The following KLHL23 variants were observed in gnomAD, a reference collection of about 807,000 sequenced individuals.
KLHL23 encodes kelch like family member 23.
KLHL23 carries 33 observed loss-of-function variants against 48.9 expected under a neutral mutation model. The ratio of observed to expected loss-of-function variants is 0.67; its 90% CI spans 0.51 to 0.90. The LOEUF (loss-of-function observed/expected upper bound fraction) is 0.90. Among genes scored for constraint, KLHL23 ranks in the 40% least tolerant of loss-of-function variants. The pLI is 0.00. For missense variants in KLHL23, 608 were observed against 669.6 expected, an observed-to-expected ratio of 0.91 and a Z score of 1.02; for synonymous variants, 234 against 231.6, an observed-to-expected ratio of 1.01 and a Z score of -0.09.
chr2:169,734,150 G>C (rs1454698057), intron 1 of KLHL23, 63 bp downstream of exon 1: 3 of 147,110 alleles, frequency 2.0e-5, no homozygotes, highest in African/African-American at 4.9e-5. Flanking sequence ...GGCCGGGCGC[G>C]GGGAGCGGGG....
At position 169,749,593 on chromosome 2, in the gene KLHL23, C is replaced by T. The variant is rs775259594; in HGVS notation, c.1538C>T (p.Thr513Ile). Residue 513 changes from threonine (T) to isoleucine (I), a missense_variant, in exon 4 of 4, where the codon ACT becomes ATT. Transcript: ENST00000392647. ...ATCATGAATGGATGTATTTATGTCACTGGAGGATACTCCTACTCAAAGGGA... is the reference window on the plus strand; with the variant it reads ...ATCATGAATGGATGTATTTATGTCATTGGAGGATACTCCTACTCAAAGGGA... ...AVIMNGCIYV[T>I]GGYSYSKGTY... The T allele has an allele frequency of 1.2e-6, 2 of 1,613,858 alleles. No individual in the cohort carries two copies. The highest frequency in any genetic ancestry group is 1.7e-6 in the Non-Finnish European group (2 of 1,180,030).
intron 2 of KLHL23, chr2:169,741,147 T>G: frequency 2.8e-6 from 1 of 357,760 alleles, no homozygotes; most frequent in East Asian, 4.3e-5. Flanking sequence ...TTCCACTCCA[T>G]TATAATTTTA....
At chr2:169,737,601 A>G (rs1688549428) in intron 2 of KLHL23, among the ~76,000 whole-genome samples, 2 of 146,922 alleles carry the variant, frequency 1.4e-5, no homozygotes, top group African/African-American at 2.5e-5. Context: ...GGTTCAGAGT[A>G]TATTTCTTTT....
chr2:169,736,817 A>G (rs1224532262), intron 2 of KLHL23, among the ~76,000 whole-genome samples: 3 of 152,192 alleles, frequency 2.0e-5, no homozygotes, highest in Non-Finnish European at 4.4e-5. Flanking sequence ...TTAAACGGGA[A>G]TCTTATTTCA....
intron 3 of KLHL23, among the ~76,000 whole-genome samples, chr2:169,746,685 G>A (rs1340809297): frequency 6.6e-6 from 1 of 152,106 alleles, no homozygotes; most frequent in Non-Finnish European, 1.5e-5. Flanking sequence ...TTGAGTAAAA[G>A]AGAAAAAATG....
At chr2:169,734,565 T>A (rs1366377472) in intron 1 of KLHL23, among the ~76,000 whole-genome samples, 2 of 152,146 alleles carry the variant, frequency 1.3e-5, no homozygotes, top group Admixed American at 6.5e-5. Context: ...TCTTGTCCAT[T>A]TATATTTCCA....
At position 169,735,140 on chromosome 2, in the gene KLHL23, T is replaced by C. The variant is rs776017719; in HGVS notation, c.126T>C (p.Cys42=). 6.2e-7 allele frequency: 1 copy of C among 1,613,294 alleles called. No individual in the cohort carries two copies. The highest frequency in any genetic ancestry group is 8.5e-7 in the Non-Finnish European group (1 of 1,179,888). The change falls in exon 2 of 4, where the codon TGT becomes TGC. Residue 42 remains cysteine, a synonymous_variant. Transcript: ENST00000392647. This position sits in a 1 kb window ranked among gnomAD's most constrained non-coding sequence, Gnocchi z 4.5. Reference sequence around the variant, plus strand: ...TATTTACTGATATTACTCTTCAGTGTCCTTCAGGCATAATTTTCCATTGTC... The same window carrying C: ...TATTTACTGATATTACTCTTCAGTGCCCTTCAGGCATAATTTTCCATTGTC... The part of the protein sequence containing the change: ...DGLFTDITLQ[C]PSGIIFHCHR...
chr2:169,745,385 C>T (rs1688771413), intron 3 of KLHL23, among the ~76,000 whole-genome samples: 1 of 151,826 alleles, frequency 6.6e-6, no homozygotes, highest in Non-Finnish European at 1.5e-5. Flanking sequence ...TGGTGGCGGG[C>T]ACCTGTAGTC....
chr2:169,744,887 A>G (rs1270321721), intron 3 of KLHL23, among the ~76,000 whole-genome samples: 2 of 151,160 alleles, frequency 1.3e-5, no homozygotes, highest in African/African-American at 4.9e-5. Flanking sequence ...ATGCAGAATC[A>G]TAAAGGTTTT....
At position 169,735,306 on chromosome 2, in the gene KLHL23, TC is replaced by T; in HGVS notation, c.295del (p.Gln99LysfsTer4). Reference sequence around the variant, plus strand: ...AGGCCTTGTAAATTATGCATACACTTCCCAAATTGAAATAACTAAAAGAAAT... The same window carrying T: ...AGGCCTTGTAAATTATGCATACACTTCCAAATTGAAATAACTAAAAGAAAT... ...LEGLVNYAYT[S>X]QIEITKRNVQ... On this transcript the variant is annotated frameshift_variant, in exon 2 of 4. Coordinates refer to ENST00000392647, the MANE Select transcript of KLHL23 (RefSeq NM_144711.6). LOFTEE classifies it high-confidence loss of function. This position sits in a 1 kb window ranked among gnomAD's most constrained non-coding sequence, Gnocchi z 4.5. 1 of 1,613,566 alleles carries T rather than the reference TC, an allele frequency of 6.2e-7. No individual in the cohort carries two copies. The highest frequency in any genetic ancestry group is 8.5e-7 in the Non-Finnish European group (1 of 1,179,938).
intron 3 of KLHL23, among the ~76,000 whole-genome samples, chr2:169,748,516 AG>A (rs1688857774): frequency 6.6e-6 from 1 of 152,210 alleles, no homozygotes; most frequent in Non-Finnish European, 1.5e-5. Context: ...GGAAGAAAAC[AG>A]GGCAGAGACC....
At chr2:169,738,265 TA>T (rs1330502635) in intron 2 of KLHL23, among the ~76,000 whole-genome samples, 13 of 149,636 alleles carry the variant, frequency 8.7e-5, no homozygotes, top group Non-Finnish European at 1.6e-4. Context: ...TTTAAAATTT[TA>T]TTTTTAATTT....
chr2:169,741,520 C>G lies in KLHL23; in HGVS notation c.1349C>G (p.Thr450Ser). The change falls in exon 3 of 4, where the codon ACC becomes AGC. Residue 450 changes from threonine to serine, a missense_variant. This residue lies in a region of KLHL23 where 179 missense variants were observed against 169.9 expected (regional missense o/e 1.05). Coordinates refer to ENST00000392647, the MANE Select transcript of KLHL23 (RefSeq NM_144711.6). ...GATATCAACGAATGGAGCCTCATCA[C>G]CTCCAGTCCACATCCAGGTAACAAA... ...NSDINEWSLITSSPHPEYGLC... is the reference protein window; with the variant it reads ...NSDINEWSLISSSPHPEYGLC... 2 of 1,613,510 alleles carry G rather than the reference C, an allele frequency of 1.2e-6. No homozygotes were observed. Among genetic ancestry groups the G allele is most frequent in the Non-Finnish European group, 1.7e-6 (2 of 1,179,650 alleles).
At chr2:169,747,456 G>C (rs1016973113) in intron 3 of KLHL23, among the ~76,000 whole-genome samples, 32 of 112,876 alleles carry the variant, frequency 2.8e-4, no homozygotes, top group African/African-American at 1.1e-3. Context: ...CTCCTAAAGA[G>C]GAAATCACTT....
chr2:169,749,521 G>A lies in KLHL23; in HGVS notation c.1466G>A (p.Arg489Lys), dbSNP rs1416327972. 2 of 1,613,984 alleles carry A rather than the reference G, an allele frequency of 1.2e-6. No individual in the cohort carries two copies. The highest frequency in any genetic ancestry group is 1.7e-6 in the Non-Finnish European group (2 of 1,180,026). Residue 489 changes from arginine (R) to lysine (K), a missense_variant, in exon 4 of 4, where the codon AGA becomes AAA. Arg to Lys is a conservative substitution (Grantham distance 26). Transcript: ENST00000392647. The stretch of plus-strand genomic sequence containing the variant: ...TATGACCCTGAACAAAATGAATGGA[G>A]AGAGATAGCTCCCATGATGGAAAGG... ...ECYDPEQNEW[R>K]EIAPMMERRM...
rs769275124 is a variant in KLHL23 at position 169,735,269 on chromosome 2, T to C, written c.255T>C (p.His85=). The C allele has an allele frequency of 1.7e-5, 28 of 1,611,140 alleles. No individual in the cohort carries two copies. Among genetic ancestry groups the C allele is most frequent in the Middle Eastern group, 1.6e-4 (1 of 6,068 alleles). ...KNKIKLSGIH[H]DILEGLVNYA... ...AAATAAAACTCTCTGGCATCCACCA[T>C]GATATTCTGGAAGGCCTTGTAAATT... The change falls in exon 2 of 4, where the codon CAT becomes CAC. Residue 85 remains histidine, a synonymous_variant. Coordinates refer to ENST00000392647, the MANE Select transcript of KLHL23 (RefSeq NM_144711.6). The surrounding 1 kb of genome is among the most constrained non-coding windows in gnomAD (Gnocchi z 4.5).
intron 2 of KLHL23, among the ~76,000 whole-genome samples, chr2:169,739,562 A>G (rs558998738): frequency 2.0e-5 from 3 of 152,188 alleles, no homozygotes; most frequent in South Asian, 2.1e-4. Context: ...ATACTTGCCA[A>G]CTTCCTACCA....
In KLHL23 at chr2:169,735,309, C is replaced by T; in HGVS notation, c.295C>T (p.Gln99Ter). The T allele has an allele frequency of 6.2e-7, 1 of 1,613,526 alleles. No homozygotes were observed. The highest frequency in any genetic ancestry group is 2.2e-5 in the East Asian group (1 of 44,876). ...CCTTGTAAATTATGCATACACTTCC[C>T]AAATTGAAATAACTAAAAGAAATGT... ...EGLVNYAYTS[Q>*]IEITKRNVQS... Residue 99 changes from glutamine to a stop codon, truncating the protein, a stop_gained, in exon 2 of 4, where the codon CAA becomes TAA. Transcript: ENST00000392647. LOFTEE classifies it high-confidence loss of function. This position sits in a 1 kb window ranked among gnomAD's most constrained non-coding sequence, Gnocchi z 4.5.
chr2:169,741,261 A>T lies in KLHL23; in HGVS notation c.1214-124A>T, dbSNP rs2105649534. 4 of 1,309,662 alleles carry T rather than the reference A, an allele frequency of 3.1e-6. No individual in the cohort carries two copies. The South Asian group carries it at 6.5e-5, about 21-fold the overall frequency. 81.1% of individuals were successfully genotyped at this position (1,309,662 alleles called of 1,614,324 possible). A position where few individuals can be genotyped will look rare whatever the true frequency, so the allele number is the denominator to read the frequency against. On this transcript the variant is annotated intron_variant, in intron 2 of 3. Transcript: ENST00000392647. ...TTTTTATTCTTTTGTCCCTTATAGC[A>T]CTTAGCACAGTACCTTGCATTTTAC...
Sources: allele counts gnomAD v4.1 joint callset (sites outside exome capture counted in the v4.1 genomes callset), GRCh38; gene constraint gnomAD v4.1.1; regional missense constraint gnomAD v4.1.1; non-coding constraint Gnocchi (gnomAD v3.1); transcripts MANE v1.5; gene names NCBI Gene and HGNC (gene_info 2026-07-23, HGNC 2026-07-21).